The following NEBL variants were observed in gnomAD, a reference collection of about 807,000 sequenced individuals.
NEBL encodes nebulette.
In NEBL, 122 loss-of-function variants were observed where a neutral mutation model predicts 140.2. The ratio of observed to expected loss-of-function variants is 0.87; its 90% CI spans 0.75 to 1.01. The LOEUF is 1.01. Ranked by LOEUF, NEBL falls within the 50% of genes least tolerant of loss-of-function variation. The pLI is 0.00. For synonymous variants in NEBL, 436 were observed against 398.9 expected, an observed-to-expected ratio of 1.09 and a Z score of -1.11; for missense variants, 1,365 against 1,231.3, an observed-to-expected ratio of 1.11 and a Z score of -1.62.
chr10:21,038,963 C>G (rs912586955), intron 2 of NEBL, among the ~76,000 whole-genome samples: 1 of 151,724 alleles, frequency 6.6e-6, no homozygotes, highest in Non-Finnish European at 1.5e-5. Context: ...TAATGACCAG[C>G]GAAGATGAGC....
chr10:21,074,362 A>C (rs11012506), intron 2 of NEBL, among the ~76,000 whole-genome samples: 12,966 of 152,174 alleles, frequency 0.085, 908 homozygotes, highest in East Asian at 0.23. Flanking sequence ...ATTGGCTTCT[A>C]TGGGATTCCT....
intron 1 of NEBL, among the ~76,000 whole-genome samples, chr10:21,261,922 C>G (rs974401368): frequency 2.0e-5 from 3 of 152,060 alleles, no homozygotes; most frequent in Admixed American, 1.3e-4. Flanking sequence ...CAGCAGCAGC[C>G]GCCTGGAGAC....
chr10:20,997,516 A>T (rs1176521139), intron 3 of NEBL, among the ~76,000 whole-genome samples: 1 of 102,964 alleles, frequency 9.7e-6, no homozygotes, highest in Non-Finnish European at 2.0e-5. Flanking sequence ...AAAAAAAAAC[A>T]GAACTCCTGA....
intron 7 of NEBL, chr10:20,867,809 C>T (rs951741044): frequency 6.6e-6 from 1 of 152,036 alleles, no homozygotes; most frequent in Admixed American, 6.6e-5. Context: ...TGAATCGACA[C>T]TTTTATCATA....
intron 3 of NEBL, among the ~76,000 whole-genome samples, chr10:21,213,307 G>A (rs981663364): frequency 6.6e-6 from 1 of 152,208 alleles, no homozygotes; most frequent in Non-Finnish European, 1.5e-5. Flanking sequence ...AAATCAGAAT[G>A]TAGAGTGTCT....
At chr10:20,942,656 T>C (rs1003969013) in intron 4 of NEBL, among the ~76,000 whole-genome samples, 20 of 152,128 alleles carry the variant, frequency 1.3e-4, no homozygotes, top group Admixed American at 8.5e-4. Context: ...ACAGGTGACC[T>C]ACAGAATGGG....
intron 3 of NEBL, among the ~76,000 whole-genome samples, chr10:21,242,175 A>G (rs1250693670): frequency 6.6e-6 from 1 of 152,206 alleles, no homozygotes; most frequent in African/African-American, 2.4e-5. Context: ...ACTGTGCTCC[A>G]GCCTGGGTGA....
chr10:21,258,637 G>A (rs534787576), intron 1 of NEBL, among the ~76,000 whole-genome samples: 8 of 150,996 alleles, frequency 5.3e-5, no homozygotes, highest in South Asian at 2.1e-4. Context: ...CCCAGGAGAC[G>A]GAGGTTGCAG....
intron 2 of NEBL, among the ~76,000 whole-genome samples, chr10:21,160,180 C>A (rs1156958487): frequency 6.6e-6 from 1 of 151,782 alleles, no homozygotes; most frequent in African/African-American, 2.4e-5. Context: ...ATACTCATCA[C>A]TGTATAAAGA....
chr10:20,884,462 T>A (rs10764287), intron 4 of NEBL, among the ~76,000 whole-genome samples: 84,802 of 152,042 alleles, frequency 0.56, 25,032 homozygotes, highest in Non-Finnish European at 0.65. Context: ...GATCTCTAAA[T>A]TAAAGTTTAC....
At chr10:21,245,764 C>T (rs913531859) in intron 3 of NEBL, among the ~76,000 whole-genome samples, 4 of 151,988 alleles carry the variant, frequency 2.6e-5, no homozygotes, top group African/African-American at 9.6e-5. Context: ...GGTGCAATCT[C>T]CACTCACTGC....
intron 4 of NEBL, among the ~76,000 whole-genome samples, chr10:20,947,727 G>A (rs1255723885): frequency 6.6e-6 from 1 of 150,796 alleles, no homozygotes; most frequent in Admixed American, 6.6e-5. Flanking sequence ...AGTGTCAGGA[G>A]ACAAAAGGGT....
rs1554833694 is a variant in NEBL, at chr10:21,222,768, C to CA, written n.348+25152_348+25153insT. Among the ~76,000 whole-genome samples, 16 of 151,688 alleles carry CA rather than the reference C, an allele frequency of 1.1e-4. No individual in the cohort carries two copies. The East Asian group carries it at 3.1e-3, about 29-fold the overall frequency. On this transcript the variant is annotated intron_variant and non_coding_transcript_variant, in intron 3 of 8. Coordinates refer to the NEBL transcript ENST00000675702. ...AATCCAATTATGCTCTTTTAGTTTT[C>CA]TTTTTTTTTGTTAGACAGAGTTTTG... is the stretch of plus-strand genomic sequence containing the variant.
At chr10:20,806,594 C>G (rs1047154781) in intron 26 of NEBL, among the ~76,000 whole-genome samples, 1 of 152,212 alleles carries the variant, frequency 6.6e-6, no homozygotes, top group African/African-American at 2.4e-5. Flanking sequence ...CCGTCACAGG[C>G]CTGATTCTGC....
intron 2 of NEBL, among the ~76,000 whole-genome samples, chr10:21,149,394 G>A (rs949083355): frequency 5.9e-5 from 9 of 152,184 alleles, no homozygotes; most frequent in East Asian, 1.9e-4. Flanking sequence ...GGGTTCAAGC[G>A]ATTCTCTCAC....
chr10:21,278,564 G>A (rs1439566288), intron 1 of NEBL, among the ~76,000 whole-genome samples: 2 of 152,204 alleles, frequency 1.3e-5, no homozygotes, highest in Non-Finnish European at 2.9e-5. Flanking sequence ...GGTCAATGAG[G>A]GAGGCTTAGG....
intron 26 of NEBL, chr10:20,804,607 T>G (rs1837436264): frequency 1.3e-5 from 2 of 152,224 alleles, no homozygotes; most frequent in Admixed American, 1.3e-4. Flanking sequence ...GGCACTTAGC[T>G]AAGCAAATAT....
intron 2 of NEBL, chr10:21,029,608 G>A (rs1833693350): frequency 3.2e-6 from 5 of 1,542,704 alleles, no homozygotes; most frequent in South Asian, 1.1e-5. Flanking sequence ...GGCTCGTTCT[G>A]CCACAGACAG....
At chr10:21,171,422 G>A (rs1378227162) in intron 2 of NEBL, 1 of 151,998 alleles carries the variant, frequency 6.6e-6, no homozygotes, top group Non-Finnish European at 1.5e-5. Flanking sequence ...ACAGTTGAAA[G>A]CAGTCTGGGG....
Sources: gnomAD v4.1 joint callset for allele counts (sites outside exome capture counted in the v4.1 genomes callset) on GRCh38, gnomAD v4.1.1 for gene constraint, MANE v1.5 for transcripts, NCBI Gene and HGNC (gene_info 2026-07-23, HGNC 2026-07-21) for gene names.